The following SAMD4A variants were observed in gnomAD, a reference collection of about 807,000 sequenced individuals.
SAMD4A encodes sterile alpha motif domain containing 4A.
In SAMD4A, 33 loss-of-function variants were observed where a neutral mutation model predicts 81.3. The ratio of observed to expected loss-of-function variants is 0.41; its 90% CI spans 0.31 to 0.54. The LOEUF is 0.54. Among genes scored for constraint, SAMD4A ranks in the 20% least tolerant of loss-of-function variants. The pLI is 0.37. For missense variants in SAMD4A, 854 were observed against 951.1 expected, an observed-to-expected ratio of 0.90 and a Z score of 1.34; for synonymous variants, 389 against 382.1, an observed-to-expected ratio of 1.02 and a Z score of -0.21.
chr14:54,775,398 AC>A (rs2038816723), intron 10 of SAMD4A, among the ~76,000 whole-genome samples: 1 of 152,160 alleles, frequency 6.6e-6, no homozygotes, highest in Non-Finnish European at 1.5e-5. Flanking sequence ...GAAATGCAAG[AC>A]CTATTTCTTC....
intron 3 of SAMD4A, among the ~76,000 whole-genome samples, chr14:54,727,098 G>A (rs1248210025): frequency 6.9e-6 from 1 of 144,818 alleles, no homozygotes; most frequent in African/African-American, 2.5e-5. Flanking sequence ...AATTAATGTT[G>A]AACTCACAAC....
chr14:54,633,275 G>A (rs115614466), intron 2 of SAMD4A, among the ~76,000 whole-genome samples: 138 of 152,300 alleles, frequency 9.1e-4, no homozygotes, highest in Middle Eastern at 3.4e-3. Context: ...ACAACAGCTG[G>A]GGCTATGCTC....
In SAMD4A at chr14:54,639,440, A is replaced by G. The variant is rs1408644801; in HGVS notation, c.197-62622A>G. Among the ~76,000 whole-genome samples, 9 of 152,286 alleles carry G rather than the reference A, an allele frequency of 5.9e-5. No homozygotes were observed. The South Asian group carries it at 1.7e-3, about 28-fold the overall frequency. On this transcript the variant is annotated intron_variant, in intron 2 of 12. Coordinates refer to ENST00000554335, the MANE Select transcript of SAMD4A (RefSeq NM_015589.6). ...TCATCTAACCCAGAGTTCTCTCTCA[A>G]CTAAGGCAGCAGGGTTGGCGTGAGG... is the stretch of plus-strand genomic sequence containing the variant.
chr14:54,788,891 C>G (rs903177480), intron 12 of SAMD4A, 25 bp from the exon 13 acceptor site: 28 of 1,614,062 alleles, frequency 1.7e-5, no homozygotes, highest in Admixed American at 3.3e-5. Flanking sequence ...CACCTGTGCC[C>G]ATCGTTTGCT....
At chr14:54,647,935 T>C (rs555531081) in intron 2 of SAMD4A, among the ~76,000 whole-genome samples, 6 of 152,330 alleles carry the variant, frequency 3.9e-5, no homozygotes, top group Admixed American at 1.3e-4. Flanking sequence ...TTGATAAATG[T>C]ATGGGGGATA....
At chr14:54,570,535 T>A (rs1436466613) in intron 2 of SAMD4A, among the ~76,000 whole-genome samples, 1 of 152,188 alleles carries the variant, frequency 6.6e-6, no homozygotes, top group Non-Finnish European at 1.5e-5. Context: ...TAGTAAAAAG[T>A]GACCCCTGAC....
At chr14:54,568,860 CTT>C (rs2033044698) in intron 2 of SAMD4A, among the ~76,000 whole-genome samples, 1 of 151,450 alleles carries the variant, frequency 6.6e-6, no homozygotes, top group Admixed American at 6.6e-5. Flanking sequence ...CGTTAGGAAA[CTT>C]TACTGAATAG....
At chr14:54,602,624 A>G (rs1410451946) in intron 2 of SAMD4A, among the ~76,000 whole-genome samples, 1 of 151,832 alleles carries the variant, frequency 6.6e-6, no homozygotes, top group Non-Finnish European at 1.5e-5. Context: ...CACCTTCGGG[A>G]CATCACACAC....
chr14:54,687,299 C>T (rs897849404), intron 2 of SAMD4A: 15 of 455,374 alleles, frequency 3.3e-5, no homozygotes, highest in Middle Eastern at 3.2e-4. Flanking sequence ...TTTCTTCTTA[C>T]CTCAAAACTG....
At chr14:54,775,549 A>G (rs751275976) in intron 10 of SAMD4A, among the ~76,000 whole-genome samples, 2 of 152,194 alleles carry the variant, frequency 1.3e-5, no homozygotes, top group African/African-American at 4.8e-5. Context: ...TCCACAGGAC[A>G]AAGTCTGAGA....
At chr14:54,706,185 A>C (rs1010008889) in intron 3 of SAMD4A, among the ~76,000 whole-genome samples, 1 of 151,884 alleles carries the variant, frequency 6.6e-6, no homozygotes, top group Admixed American at 6.6e-5. Flanking sequence ...CCATCTCTTC[A>C]AAAAAAGAAA....
chr14:54,789,303 A>T lies in SAMD4A; in HGVS notation c.*359A>T, dbSNP rs146728096. On this transcript the variant is annotated 3_prime_UTR_variant, in exon 13 of 13. Coordinates refer to ENST00000554335, the MANE Select transcript of SAMD4A (RefSeq NM_015589.6). ...ATGAAAGAGATAGGAGACACATAAG[A>T]GGACAGCAGAAGCCCTGGCCCTGGG... The T allele has an allele frequency of 8.2e-3, 2,476 of 300,368 alleles. 17 individuals are homozygous for T. The highest frequency in any genetic ancestry group is 0.013 in the Non-Finnish European group (2,017 of 158,878). 18.6% of individuals were successfully genotyped at this position (300,368 alleles called of 1,614,324 possible).
intron 3 of SAMD4A, among the ~76,000 whole-genome samples, chr14:54,721,722 C>T (rs1185229306): frequency 1.3e-5 from 2 of 152,074 alleles, no homozygotes; most frequent in Non-Finnish European, 2.9e-5. Context: ...TTCCTTCTCT[C>T]GGTTTCCATT....
At chr14:54,681,918 G>T (rs1006709278) in intron 2 of SAMD4A, 2 of 985,270 alleles carry the variant, frequency 2.0e-6, no homozygotes, top group African/African-American at 3.5e-5. Flanking sequence ...TATGACTGCC[G>T]CAATATCCCA....
At chr14:54,737,408 C>T (rs2037723394) in intron 4 of SAMD4A, 121 bp downstream of exon 4, 1 of 1,171,826 alleles carries the variant, frequency 8.5e-7, no homozygotes, top group South Asian at 1.4e-5. Context: ...CAGGCTTACG[C>T]ATTTGATCTG....
chr14:54,598,441 GTAATAGCTA>G (rs1191706182), intron 2 of SAMD4A, among the ~76,000 whole-genome samples: 1 of 152,088 alleles, frequency 6.6e-6, no homozygotes, highest in Non-Finnish European at 1.5e-5. Flanking sequence ...TAATAACTGT[GTAATAGCTA>G]ATCCTATGAA....
chr14:54,739,710 A>G (rs376591596), intron 4 of SAMD4A, among the ~76,000 whole-genome samples: 35 of 152,312 alleles, frequency 2.3e-4, no homozygotes, highest in African/African-American at 8.4e-4. Flanking sequence ...CCTTGCTGCA[A>G]GATGCCATTG....
At chr14:54,788,869 G>T in intron 12 of SAMD4A, 47 bp from the exon 13 acceptor site, 5 of 1,613,846 alleles carry the variant, frequency 3.1e-6, no homozygotes, top group Non-Finnish European at 4.2e-6. Context: ...GCACGAACTG[G>T]ATTGTTTTGC....
intron 11 of SAMD4A, among the ~76,000 whole-genome samples, chr14:54,776,807 T>C (rs2038862540): frequency 6.6e-6 from 1 of 151,822 alleles, no homozygotes; most frequent in Non-Finnish European, 1.5e-5. Flanking sequence ...AAACCAGAGA[T>C]AGCACAAGAG....
Sources: gnomAD v4.1 joint callset for allele counts (sites outside exome capture counted in the v4.1 genomes callset) on GRCh38, gnomAD v4.1.1 for gene constraint, MANE v1.5 for transcripts, NCBI Gene and HGNC (gene_info 2026-07-23, HGNC 2026-07-21) for gene names.